Variants in WDR70 observed in about 807,000 individuals in gnomAD.
WDR70 encodes the protein WD repeat domain 70.
A neutral mutation model predicts 88.6 loss-of-function variants in WDR70; 53 were observed. That is an observed-to-expected ratio of 0.60 (90% CI 0.48 to 0.75). The LOEUF is 0.75. WDR70 is among the 30% of genes least tolerant of loss of function. The pLI is 0.00. For synonymous variants in WDR70, 280 were observed against 270.0 expected, an observed-to-expected ratio of 1.04 and a Z score of -0.36; for missense variants, 610 against 823.2, an observed-to-expected ratio of 0.74 and a Z score of 3.17.
Position 37,417,207 on chromosome 5 carries a change from T to C in WDR70, c.492+20637T>C, listed in dbSNP as rs78341768. On this transcript the variant is annotated intron_variant, in intron 5 of 17. Coordinates refer to ENST00000265107, the MANE Select transcript of WDR70 (RefSeq NM_018034.4). ...TTTTTATCTGACTTTGATTATAGTC[T>C]CTTTACTTACAAGTTTTTGTTTTTT... Among the ~76,000 whole-genome samples, 407 of 152,308 alleles carry C rather than the reference T, an allele frequency of 2.7e-3. 1 individual carries two copies. Among genetic ancestry groups the C allele is most frequent in the African/African-American group, 8.5e-3 (352 of 41,568 alleles).
intron 9 of WDR70, among the ~76,000 whole-genome samples, chr5:37,574,450 C>T (rs1742998477): frequency 6.6e-6 from 1 of 152,192 alleles, no homozygotes; most frequent in Admixed American, 6.5e-5. Context: ...CACTTCTTCT[C>T]AGTTTCCTTT....
At chr5:37,449,853 C>T (rs12654885) in intron 7 of WDR70, among the ~76,000 whole-genome samples, 15 of 152,170 alleles carry the variant, frequency 9.9e-5, no homozygotes, top group East Asian at 7.7e-4. Context: ...TACCCATTAA[C>T]GCATCATCTA....
At chr5:37,462,959 G>T (rs1227837400) in intron 7 of WDR70, among the ~76,000 whole-genome samples, 3 of 151,918 alleles carry the variant, frequency 2.0e-5, no homozygotes. Context: ...ATCTAGTCTT[G>T]TCTCCTCATT....
chr5:37,508,333 G>A (rs188759800), intron 8 of WDR70, among the ~76,000 whole-genome samples: 63 of 152,294 alleles, frequency 4.1e-4, no homozygotes, highest in African/African-American at 1.4e-3. Context: ...TGAAGATACA[G>A]GAGAAGATGG....
chr5:37,691,920 G>C (rs1269152597), intron 10 of WDR70, among the ~76,000 whole-genome samples: 2 of 152,036 alleles, frequency 1.3e-5, no homozygotes, highest in Admixed American at 1.3e-4. Context: ...TCCAGGAGCT[G>C]GTTTTTTGAA....
intron 5 of WDR70, among the ~76,000 whole-genome samples, chr5:37,405,413 G>A (rs897827293): frequency 2.7e-5 from 4 of 150,920 alleles, no homozygotes; most frequent in Non-Finnish European, 4.4e-5. Context: ...GCAATGGTGC[G>A]ATTTTGGCTC....
At chr5:37,557,957 A>ACTCTTTTGAAAACTCTTCAATAGAGTAC in intron 9 of WDR70, among the ~76,000 whole-genome samples, 2 of 139,252 alleles carry the variant, frequency 1.4e-5, no homozygotes, top group African/African-American at 2.6e-5. Context: ...TCAAAAGAGT[A>ACTCTTTTGAAAACTCTTCAATAGAGTAC]TTATGTATAT....
intron 9 of WDR70, among the ~76,000 whole-genome samples, chr5:37,532,822 G>T (rs975785048): frequency 6.6e-6 from 1 of 152,010 alleles, no homozygotes; most frequent in Non-Finnish European, 1.5e-5. Context: ...ATCTTTTGGG[G>T]GTGTTAAAGA....
At chr5:37,682,545 A>G (rs1024188656) in intron 10 of WDR70, among the ~76,000 whole-genome samples, 9 of 151,990 alleles carry the variant, frequency 5.9e-5, no homozygotes, top group Admixed American at 3.3e-4. Context: ...TTTCTAACTA[A>G]CTTTTTAATG....
chr5:37,624,546 A>G (rs1039754458), intron 10 of WDR70, among the ~76,000 whole-genome samples: 21 of 152,142 alleles, frequency 1.4e-4, no homozygotes, highest in African/African-American at 5.1e-4. Flanking sequence ...TTTCCTTTGG[A>G]TACCGTAGGG....
At chr5:37,687,853 A>T (rs1019137994) in intron 10 of WDR70, 12 of 619,144 alleles carry the variant, frequency 1.9e-5, no homozygotes, top group African/African-American at 5.4e-5. Flanking sequence ...AAGCACAGGG[A>T]AGGAAGACCA....
In WDR70 at chr5:37,569,523, T is replaced by TA. The variant is rs536980426; in HGVS notation, c.918-35540dup. Among the ~76,000 whole-genome samples, 34 of 152,340 alleles carry TA rather than the reference T, an allele frequency of 2.2e-4. 2 individuals are homozygous for TA. In the South Asian group the frequency reaches 6.8e-3, roughly 31 times the overall value. ...CATATATTATTTGTTCTATTGATCTTATTAAAAGGGGAAACCACAGGACGT... is the reference window on the plus strand; with the variant it reads ...CATATATTATTTGTTCTATTGATCTTAATTAAAAGGGGAAACCACAGGACGT... On this transcript the variant is annotated intron_variant, in intron 9 of 17. Coordinates refer to ENST00000265107, the MANE Select transcript of WDR70 (RefSeq NM_018034.4).
chr5:37,562,008 C>T (rs1446022289), intron 9 of WDR70, among the ~76,000 whole-genome samples: 1 of 152,102 alleles, frequency 6.6e-6, no homozygotes, highest in Non-Finnish European at 1.5e-5. Context: ...GGAGGTGACA[C>T]CAAATGCATG....
chr5:37,411,110 G>C (rs1320331238), intron 5 of WDR70, among the ~76,000 whole-genome samples: 1 of 152,128 alleles, frequency 6.6e-6, no homozygotes, highest in African/African-American at 2.4e-5. Flanking sequence ...TTTTTATTAA[G>C]GTGTAACTAT....
chr5:37,548,853 C>T (rs1317625739), intron 9 of WDR70, among the ~76,000 whole-genome samples: 1 of 152,206 alleles, frequency 6.6e-6, no homozygotes, highest in Admixed American at 6.5e-5. Context: ...TTTTGTTCTT[C>T]TGCATATGGA....
At chr5:37,603,797 A>G (rs1341592338) in intron 9 of WDR70, among the ~76,000 whole-genome samples, 1 of 152,084 alleles carries the variant, frequency 6.6e-6, no homozygotes, top group Non-Finnish European at 1.5e-5. Context: ...CTTCATTATT[A>G]TGTATTGATT....
chr5:37,626,109 T>G (rs1371711896), intron 10 of WDR70, among the ~76,000 whole-genome samples: 1 of 151,964 alleles, frequency 6.6e-6, no homozygotes, highest in African/African-American at 2.4e-5. Context: ...TTTGGATGCC[T>G]TTTATATATC....
At chr5:37,481,591 C>A (rs1030170927) in intron 8 of WDR70, among the ~76,000 whole-genome samples, 1 of 152,082 alleles carries the variant, frequency 6.6e-6, no homozygotes, top group Non-Finnish European at 1.5e-5. Flanking sequence ...GCAGGGGGTT[C>A]TGGACCCACA....
chr5:37,608,771 C>A (rs1306192965), intron 10 of WDR70, among the ~76,000 whole-genome samples: 1 of 152,082 alleles, frequency 6.6e-6, no homozygotes, highest in African/African-American at 2.4e-5. Flanking sequence ...GTAACCCAGG[C>A]TGGTCTTGAA....
Sources: gnomAD v4.1 joint callset for allele counts (sites outside exome capture counted in the v4.1 genomes callset) on GRCh38, gnomAD v4.1.1 for gene constraint, MANE v1.5 for transcripts, NCBI Gene and HGNC (gene_info 2026-07-23, HGNC 2026-07-21) for gene names.